The following SIL1 variants were observed in gnomAD, a reference collection of about 807,000 sequenced individuals.
SIL1 encodes the protein nucleotide exchange factor SIL1.
A neutral mutation model predicts 49.1 loss-of-function variants in SIL1; 40 were observed. The ratio of observed to expected loss-of-function variants is 0.81; its 90% CI spans 0.63 to 1.06. The LOEUF (loss-of-function observed/expected upper bound fraction) is 1.06, where lower values mean the gene tolerates loss of function less well. Among genes scored for constraint, SIL1 ranks in the 50% least tolerant of loss-of-function variants. The probability of loss-of-function intolerance (pLI) is 0.00; values close to 1 mark genes in which losing one functional copy is unlikely to be tolerated. For synonymous variants in SIL1, 253 were observed against 250.8 expected, an observed-to-expected ratio of 1.01 and a Z score of -0.08; for missense variants, 500 against 572.6, an observed-to-expected ratio of 0.87 and a Z score of 1.29.
intron 1 of SIL1, among the ~76,000 whole-genome samples, chr5:139,180,058 T>TA (rs33982607): frequency 0.021 from 2,545 of 122,140 alleles, 31 homozygotes; most frequent in African/African-American, 0.03. Flanking sequence ...CCTGTCTCTT[T>TA]AAAAAAAAAA....
chr5:139,169,732 TG>T (rs1441375529), intron 1 of SIL1, among the ~76,000 whole-genome samples: 1 of 151,862 alleles, frequency 6.6e-6, no homozygotes, highest in Non-Finnish European at 1.5e-5. Flanking sequence ...CCACCCACCT[TG>T]GCCTCCCAAA....
chr5:138,997,170 T>C (rs1423042368), intron 7 of SIL1, among the ~76,000 whole-genome samples: 5 of 152,166 alleles, frequency 3.3e-5, no homozygotes, highest in Admixed American at 3.3e-4. Flanking sequence ...CCTCAAGCGA[T>C]CCTCCTGTCT....
intron 1 of SIL1, among the ~76,000 whole-genome samples, chr5:139,140,248 C>CGACA (rs1185377734): frequency 2.0e-5 from 3 of 148,756 alleles, no homozygotes; most frequent in Non-Finnish European, 4.4e-5. Context: ...CCAGCCTGGG[C>CGACA]GACAGAGCAA....
chr5:139,035,113 C>A, intron 5 of SIL1: 2 of 259,202 alleles, frequency 7.7e-6, no homozygotes, highest in South Asian at 1.0e-4. Context: ...TTTTAGTTGT[C>A]AAATGAACCT....
At chr5:138,968,968 G>A (rs1013940170) in intron 7 of SIL1, among the ~76,000 whole-genome samples, 1 of 151,974 alleles carries the variant, frequency 6.6e-6, no homozygotes, top group Non-Finnish European at 1.5e-5. Flanking sequence ...CTTGACCATG[G>A]GTCCTCCTCA....
intron 1 of SIL1, among the ~76,000 whole-genome samples, chr5:139,130,610 G>C (rs1033679621): frequency 6.6e-6 from 1 of 152,012 alleles, no homozygotes; most frequent in East Asian, 1.9e-4. Context: ...CATATGTCCC[G>C]GCAATTCCAC....
At chr5:139,105,691 G>T (rs527977351) in intron 3 of SIL1, among the ~76,000 whole-genome samples, 2 of 152,192 alleles carry the variant, frequency 1.3e-5, no homozygotes, top group Admixed American at 1.3e-4. Context: ...GCTGTGAGCC[G>T]CGACACTGGC....
intron 7 of SIL1, among the ~76,000 whole-genome samples, chr5:138,984,726 C>G (rs1004472430): frequency 3.9e-5 from 6 of 152,118 alleles, no homozygotes; most frequent in Non-Finnish European, 5.9e-5. Flanking sequence ...GGATTACCAA[C>G]CCCTACCATC....
intron 3 of SIL1, among the ~76,000 whole-genome samples, chr5:139,110,346 T>TA (rs1770815546): frequency 6.6e-6 from 1 of 152,042 alleles, no homozygotes; most frequent in South Asian, 2.1e-4. Flanking sequence ...TACTATTCCT[T>TA]AAAAACTCAC....
chr5:138,981,686 C>G (rs1166319168), intron 7 of SIL1, among the ~76,000 whole-genome samples: 1 of 152,200 alleles, frequency 6.6e-6, no homozygotes. Context: ...AACAGGAACC[C>G]AAATTGTATG....
chr5:139,010,472 C>T lies in SIL1; in HGVS notation c.767+10699G>A, dbSNP rs1437656598. 2.0e-5 allele frequency among the ~76,000 whole-genome samples: 3 copies of T among 152,196 alleles called. No individual in the cohort carries two copies. The South Asian group carries it at 6.2e-4, about 32-fold the overall frequency. Reference sequence around the variant, plus strand: ...CCTTCTTCTCTCAGCTCGTCAAAGTCATTCTCCATCCAGCTTTGTTCCGTT... The same window carrying T: ...CCTTCTTCTCTCAGCTCGTCAAAGTTATTCTCCATCCAGCTTTGTTCCGTT... On this transcript the variant is annotated intron_variant, in intron 7 of 9. Coordinates refer to ENST00000394817, the MANE Select transcript of SIL1 (RefSeq NM_022464.5).
intron 7 of SIL1, among the ~76,000 whole-genome samples, chr5:138,962,304 A>ATT (rs76466712): frequency 7.0e-6 from 1 of 143,102 alleles, no homozygotes. Flanking sequence ...GACTTTTTCC[A>ATT]TTTTTTTTTT....
chr5:138,983,496 A>C (rs1324684246), intron 7 of SIL1, among the ~76,000 whole-genome samples: 2 of 151,120 alleles, frequency 1.3e-5, no homozygotes, highest in Non-Finnish European at 3.0e-5. Flanking sequence ...CGACAGAGCG[A>C]GATTTTGTCT....
At chr5:138,968,394 C>T (rs1164575770) in intron 7 of SIL1, among the ~76,000 whole-genome samples, 1 of 152,116 alleles carries the variant, frequency 6.6e-6, no homozygotes. Context: ...CCTCTCTTGC[C>T]CCGATGAATT....
chr5:139,161,770 A>G (rs1751518351), intron 1 of SIL1, among the ~76,000 whole-genome samples: 1 of 152,058 alleles, frequency 6.6e-6, no homozygotes, highest in South Asian at 2.1e-4. Flanking sequence ...TAATCCCACC[A>G]CTTTGGGAGG....
chr5:138,949,337 C>A (rs1479616088), intron 9 of SIL1, among the ~76,000 whole-genome samples: 1 of 152,106 alleles, frequency 6.6e-6, no homozygotes, highest in Admixed American at 6.5e-5. Context: ...GCCTGGCAGA[C>A]CCCAGCACCC....
intron 3 of SIL1, among the ~76,000 whole-genome samples, chr5:139,071,181 C>G (rs571482649): frequency 5.7e-4 from 48 of 84,824 alleles, no homozygotes; most frequent in Middle Eastern, 0.016. Context: ...CTTCAACAGA[C>G]AATTTATAAG....
chr5:139,019,992 G>A (rs1410665428), intron 7 of SIL1, among the ~76,000 whole-genome samples: 1 of 152,172 alleles, frequency 6.6e-6, no homozygotes, highest in Non-Finnish European at 1.5e-5. Flanking sequence ...AGATACTAAC[G>A]TCAAACATGC....
intron 3 of SIL1, among the ~76,000 whole-genome samples, chr5:139,058,699 A>G (rs1324222026): frequency 6.6e-6 from 1 of 150,902 alleles, no homozygotes; most frequent in Non-Finnish European, 1.5e-5. Context: ...CCTTTGAAAA[A>G]CCCTTCCTCC....
Sources: allele counts gnomAD v4.1 joint callset (sites outside exome capture counted in the v4.1 genomes callset), GRCh38; gene constraint gnomAD v4.1.1; transcripts MANE v1.5; gene names NCBI Gene and HGNC (gene_info 2026-07-23, HGNC 2026-07-21).